The following ATP1B3 variants were observed in gnomAD, a reference collection of about 807,000 sequenced individuals.
ATP1B3 encodes sodium/potassium-transporting ATPase subunit beta-3.
A neutral mutation model predicts 30.2 loss-of-function variants in ATP1B3; 10 were observed. The ratio of observed to expected loss-of-function variants is 0.33; its 90% CI spans 0.20 to 0.56. The LOEUF (loss-of-function observed/expected upper bound fraction) is 0.56. Ranked by LOEUF, ATP1B3 falls within the 20% of genes least tolerant of loss-of-function variation. The pLI is 0.90. For missense variants in ATP1B3, 238 were observed against 336.7 expected, an observed-to-expected ratio of 0.71 and a Z score of 2.29; for synonymous variants, 113 against 117.0, an observed-to-expected ratio of 0.97 and a Z score of 0.22.
rs1165758519 is a variant in ATP1B3, at chr3:141,915,978, A to G, written c.540A>G (p.Gly180=). Reference sequence around the variant, plus strand: ...CTATTTCTTAACCTTAGATAATTGGATTAAAGCCTGAAGGAGTGCCAAGGA... The same window carrying G: ...CTATTTCTTAACCTTAGATAATTGGGTTAAAGCCTGAAGGAGTGCCAAGGA... ...CILVKMNRII[G]LKPEGVPRID... Residue 180 remains glycine, a synonymous_variant, in exon 5 of 7, where the codon GGA becomes GGG. Coordinates refer to ENST00000286371, the MANE Select transcript of ATP1B3 (RefSeq NM_001679.4). The G allele has an allele frequency of 6.2e-7, 1 of 1,605,640 alleles. No homozygotes were observed. Among genetic ancestry groups the G allele is most frequent in the Admixed American group, 1.7e-5 (1 of 59,292 alleles).
intron 1 of ATP1B3, among the ~76,000 whole-genome samples, chr3:141,900,995 C>T (rs146432995): frequency 0.021 from 3,156 of 152,242 alleles, 111 homozygotes; most frequent in African/African-American, 0.07. Flanking sequence ...ATTGGCCAGG[C>T]TAGTCTCGAA....
At chr3:141,899,092 G>A (rs1230999310) in intron 1 of ATP1B3, among the ~76,000 whole-genome samples, 2 of 152,080 alleles carry the variant, frequency 1.3e-5, no homozygotes, top group Non-Finnish European at 2.9e-5. Flanking sequence ...GGAGAGGAAT[G>A]GGAATGGGTA....
chr3:141,887,605 G>A (rs1164782517), intron 1 of ATP1B3, among the ~76,000 whole-genome samples: 1 of 152,168 alleles, frequency 6.6e-6, no homozygotes, highest in Non-Finnish European at 1.5e-5. Flanking sequence ...AAATGCTCTT[G>A]TACAAAAATA....
At chr3:141,888,294 A>G (rs1196729272) in intron 1 of ATP1B3, among the ~76,000 whole-genome samples, 3 of 152,132 alleles carry the variant, frequency 2.0e-5, no homozygotes, top group African/African-American at 4.8e-5. Context: ...CCAGTCTCAG[A>G]GTGTTTCCTA....
At position 141,906,249 on chromosome 3, in the gene ATP1B3, G is replaced by A. The variant is rs529223751; in HGVS notation, c.239-918G>A. On this transcript the variant is annotated intron_variant, in intron 2 of 6. Transcript: ENST00000286371. ...GGCTGGAGTGCAATGGCACGATCTCGGCTCACTGCAACCTCTGTCTCCCAG... is the reference window on the plus strand; with the variant it reads ...GGCTGGAGTGCAATGGCACGATCTCAGCTCACTGCAACCTCTGTCTCCCAG... Among the ~76,000 whole-genome samples the A allele has an allele frequency of 2.4e-3, 360 of 151,148 alleles. 2 individuals carry two copies. Among genetic ancestry groups the A allele is most frequent in the African/African-American group, 7.8e-3 (320 of 41,180 alleles).
At chr3:141,903,849 T>G in intron 2 of ATP1B3, 101 bp downstream of exon 2, 1 of 1,386,640 alleles carries the variant, frequency 7.2e-7, no homozygotes, top group Non-Finnish European at 9.8e-7. Context: ...TGGCATGATC[T>G]TGGGTCACTG....
chr3:141,879,777 T>TCAAAAAAAAAAA (rs1553743169), intron 1 of ATP1B3, among the ~76,000 whole-genome samples: 3,933 of 58,680 alleles, frequency 0.067, 295 homozygotes, highest in African/African-American at 0.24. Flanking sequence ...AGTCTCCATC[T>TCAAAAAAAAAAA]CAAAAAAAAA....
intron 5 of ATP1B3, among the ~76,000 whole-genome samples, chr3:141,917,434 G>T (rs1355144501): frequency 6.6e-6 from 1 of 151,892 alleles, no homozygotes; most frequent in Non-Finnish European, 1.5e-5. Flanking sequence ...AGTGGCTCGC[G>T]CCTGTAATCC....
chr3:141,919,956 C>A (rs1934537558), intron 5 of ATP1B3, among the ~76,000 whole-genome samples: 1 of 151,934 alleles, frequency 6.6e-6, no homozygotes, highest in Non-Finnish European at 1.5e-5. Context: ...AAAAAATATG[C>A]TATTCGTATA....
At chr3:141,882,619 T>G (rs1261425069) in intron 1 of ATP1B3, among the ~76,000 whole-genome samples, 1 of 152,210 alleles carries the variant, frequency 6.6e-6, no homozygotes. Context: ...GTTTCGCTCT[T>G]GTTGCCCAGG....
intron 1 of ATP1B3, among the ~76,000 whole-genome samples, chr3:141,887,427 C>T (rs1468384180): frequency 2.0e-5 from 3 of 150,774 alleles, no homozygotes; most frequent in African/African-American, 5.0e-5. Flanking sequence ...TCAGCTTCTT[C>T]CCTGGGTAAC....
intron 1 of ATP1B3, among the ~76,000 whole-genome samples, chr3:141,900,096 C>T (rs187186827): frequency 6.6e-6 from 1 of 151,968 alleles, no homozygotes; most frequent in East Asian, 1.9e-4. Flanking sequence ...TCTAAAGACC[C>T]TGGAATTTGA....
At chr3:141,918,060 G>A (rs572931283) in intron 5 of ATP1B3, among the ~76,000 whole-genome samples, 8 of 151,964 alleles carry the variant, frequency 5.3e-5, no homozygotes, top group Non-Finnish European at 7.4e-5. Flanking sequence ...GAGCCACCGC[G>A]CCCAGCTGAG....
At chr3:141,923,964 C>A (rs1934610154) in intron 6 of ATP1B3, among the ~76,000 whole-genome samples, 1 of 152,170 alleles carries the variant, frequency 6.6e-6, no homozygotes, top group African/African-American at 2.4e-5. Context: ...TGCCTTGATT[C>A]CTTGGTTAAG....
chr3:141,879,777 T>TCAAAAAAAAAAAAA (rs780164779), intron 1 of ATP1B3, among the ~76,000 whole-genome samples: 22 of 58,834 alleles, frequency 3.7e-4, no homozygotes, highest in African/African-American at 1.4e-3. Context: ...AGTCTCCATC[T>TCAAAAAAAAAAAAA]CAAAAAAAAA....
At chr3:141,896,736 T>C (rs1050278535) in intron 1 of ATP1B3, among the ~76,000 whole-genome samples, 1 of 152,200 alleles carries the variant, frequency 6.6e-6, no homozygotes, top group African/African-American at 2.4e-5. Context: ...GAATATGATA[T>C]CTAATTTTTA....
chr3:141,886,132 A>G (rs950118458), intron 1 of ATP1B3, among the ~76,000 whole-genome samples: 2 of 152,204 alleles, frequency 1.3e-5, no homozygotes, highest in African/African-American at 4.8e-5. Flanking sequence ...AGTTTAGGTA[A>G]GTTCCAGAGA....
intron 6 of ATP1B3, among the ~76,000 whole-genome samples, chr3:141,923,059 C>T (rs1166426405): frequency 2.6e-5 from 4 of 152,028 alleles, no homozygotes; most frequent in Non-Finnish European, 4.4e-5. Flanking sequence ...GGGCAGATCA[C>T]CTGAGGTCAG....
intron 1 of ATP1B3, among the ~76,000 whole-genome samples, chr3:141,879,502 T>G (rs910367688): frequency 6.6e-6 from 1 of 151,996 alleles, no homozygotes. Flanking sequence ...CCGGGCGCGG[T>G]GGCTCACACC....
Sources: allele counts gnomAD v4.1 joint callset (sites outside exome capture counted in the v4.1 genomes callset), GRCh38; gene constraint gnomAD v4.1.1; transcripts MANE v1.5; gene names NCBI Gene and HGNC (gene_info 2026-07-23, HGNC 2026-07-21).